FMN1: variants seen among roughly 807,000 people sequenced by gnomAD.
FMN1 encodes the protein formin 1.
Under a neutral mutation model 132.4 loss-of-function variants are expected in FMN1, and 110 were observed. The ratio of observed to expected loss-of-function variants is 0.83; its 90% confidence interval spans 0.71 to 0.97. The LOEUF (loss-of-function observed/expected upper bound fraction) is 0.97. Among genes scored for constraint, FMN1 ranks in the 50% least tolerant of loss-of-function variants. The pLI is 0.00. For synonymous variants in FMN1, 722 were observed against 651.7 expected, an observed-to-expected ratio of 1.11 and a Z score of -1.64; for missense variants, 1,792 against 1,705.3, an observed-to-expected ratio of 1.05 and a Z score of -0.90.
intron 9 of FMN1, among the ~76,000 whole-genome samples, chr15:32,938,480 G>C (rs1201187241): frequency 2.0e-5 from 3 of 152,166 alleles, no homozygotes; most frequent in Non-Finnish European, 2.9e-5. Context: ...AGTGAGCCAA[G>C]ATCAAGCCAC....
rs556968137 is a variant in FMN1, at chr15:33,153,664, C to A, written c.1251G>T (p.Val417=). ...CTATCACCTTCAGGGGGACCTTGTT[C>A]ACGGCCCCCTCGGCACTGGCCGACA... is the stretch of plus-strand genomic sequence containing the variant. ...SSVSASAEGA[V]NKVPLKVIES... The change falls in exon 4 of 21, where the codon GTG becomes GTT. Residue 417 remains valine, a synonymous_variant. Coordinates refer to ENST00000616417, the MANE Select transcript of FMN1 (RefSeq NM_001277313.2). 6.4e-5 allele frequency: 99 copies of A among 1,536,336 alleles called. 2 individuals carry two copies. In the South Asian group the frequency reaches 6.5e-4, roughly 10 times the overall value.
chr15:32,891,525 T>A lies in FMN1; in HGVS notation c.3715-3233A>T, dbSNP rs540587193. 2.4e-3 allele frequency among the ~76,000 whole-genome samples: 362 copies of A among 152,370 alleles called. 1 individual carries two copies. The highest frequency in any genetic ancestry group is 0.014 in the South Asian group (69 of 4,828). On this transcript the variant is annotated intron_variant, in intron 15 of 20. Coordinates refer to ENST00000616417, the MANE Select transcript of FMN1 (RefSeq NM_001277313.2). ...CTGGGATTACAGGCGTGAGCCACCG[T>A]GTCCAGCCTAGAGTTGTTTTTTTCT...
intron 7 of FMN1, among the ~76,000 whole-genome samples, chr15:32,998,197 C>A (rs2033891565): frequency 6.6e-6 from 1 of 152,192 alleles, no homozygotes; most frequent in Non-Finnish European, 1.5e-5. Context: ...GATGGTATCA[C>A]AAATTTAAGA....
At chr15:32,878,676 A>G (rs573943335) in intron 16 of FMN1, among the ~76,000 whole-genome samples, 2 of 152,160 alleles carry the variant, frequency 1.3e-5, no homozygotes, top group Non-Finnish European at 2.9e-5. Flanking sequence ...GTAGCCTTAC[A>G]CTCATTTTTA....
At chr15:32,853,333 T>C (rs2059051617) in intron 17 of FMN1, among the ~76,000 whole-genome samples, 1 of 152,182 alleles carries the variant, frequency 6.6e-6, no homozygotes, top group South Asian at 2.1e-4. Context: ...ATTGATAGAA[T>C]TTTCACGTTT....
intron 7 of FMN1, among the ~76,000 whole-genome samples, chr15:32,976,414 T>G (rs1422033312): frequency 6.6e-6 from 1 of 152,200 alleles, no homozygotes; most frequent in African/African-American, 2.4e-5. Flanking sequence ...TACGAGTTTC[T>G]TCTGTTTTCT....
intron 10 of FMN1, among the ~76,000 whole-genome samples, chr15:32,923,931 T>G (rs2060893401): frequency 6.7e-6 from 1 of 149,328 alleles, no homozygotes; most frequent in Admixed American, 6.7e-5. Flanking sequence ...CACACTTGAG[T>G]TTCACCAGGC....
At chr15:32,993,912 T>TC (rs1555375361) in intron 7 of FMN1, among the ~76,000 whole-genome samples, 8 of 86,974 alleles carry the variant, frequency 9.2e-5, no homozygotes, top group African/African-American at 2.2e-4. Flanking sequence ...GGGGGCGGGG[T>TC]GGGGGGGGTC....
chr15:33,082,053 G>GTGTGTGTGTGTGTGTGTGTGTT lies in FMN1; in HGVS notation c.2043+6745_2043+6746insAACACACACACACACACACACA, dbSNP rs540217494. Among the ~76,000 whole-genome samples, 209 of 134,550 alleles carry GTGTGTGTGTGTGTGTGTGTGTT rather than the reference G, an allele frequency of 1.6e-3. 1 individual carries two copies. The highest frequency in any genetic ancestry group is 5.1e-3 in the African/African-American group (189 of 36,814). 88.3% of individuals were successfully genotyped at this position (134,550 alleles called of 152,430 possible). A position where few individuals can be genotyped will look rare whatever the true frequency, so the allele number is the denominator to read the frequency against. The stretch of plus-strand genomic sequence containing the variant: ...TGTGTGTGTGTGTGTGTGTGTGTGT[G>GTGTGTGTGTGTGTGTGTGTGTT]TAAGACGGAGTCTCGCTTTGTCACC... On this transcript the variant is annotated intron_variant, in intron 5 of 20. Coordinates refer to ENST00000616417, the MANE Select transcript of FMN1 (RefSeq NM_001277313.2).
At chr15:32,811,820 A>T (rs2057891149) in intron 17 of FMN1, among the ~76,000 whole-genome samples, 1 of 151,992 alleles carries the variant, frequency 6.6e-6, no homozygotes, top group Admixed American at 6.6e-5. Context: ...ACATGCCACC[A>T]TGCCTGGCTA....
chr15:33,048,057 T>TTA (rs1304956928), intron 6 of FMN1, among the ~76,000 whole-genome samples: 5 of 152,224 alleles, frequency 3.3e-5, no homozygotes, highest in Non-Finnish European at 7.3e-5. Flanking sequence ...GTAATGCCTT[T>TTA]TAGTTCCTGT....
At chr15:33,124,933 C>T (rs959809095) in intron 4 of FMN1, among the ~76,000 whole-genome samples, 8 of 152,036 alleles carry the variant, frequency 5.3e-5, no homozygotes, top group Admixed American at 3.9e-4. Flanking sequence ...ATGTGCCACT[C>T]CCCTCCACTG....
chr15:33,145,620 C>T (rs940264692), intron 4 of FMN1, among the ~76,000 whole-genome samples: 1 of 151,414 alleles, frequency 6.6e-6, no homozygotes. Flanking sequence ...CCGCTACCCT[C>T]GGATGTGGCT....
chr15:33,182,938 T>TA, intron 2 of FMN1, among the ~76,000 whole-genome samples: 1 of 152,336 alleles, frequency 6.6e-6, no homozygotes, highest in Non-Finnish European at 1.5e-5. Flanking sequence ...AACCACTTTT[T>TA]ACAGACAGGA....
intron 7 of FMN1, 72 bp downstream of exon 7, chr15:33,007,942 A>G: frequency 7.6e-7 from 1 of 1,309,194 alleles, no homozygotes; most frequent in Non-Finnish European, 1.1e-6. Context: ...TAAGAGGAAT[A>G]TTTACTTCAG....
intron 17 of FMN1, among the ~76,000 whole-genome samples, chr15:32,820,692 T>C (rs746956525): frequency 2.5e-4 from 38 of 152,306 alleles, no homozygotes; most frequent in Middle Eastern, 6.8e-3. Context: ...TTTGAGACTG[T>C]CAGTCCTCCA....
rs1445170300 is a variant in FMN1, at chr15:32,857,065, T to C, written c.3878A>G (p.Lys1293Arg). 1 of 1,613,952 alleles carries C rather than the reference T, an allele frequency of 6.2e-7. No homozygotes were observed. Among genetic ancestry groups the C allele is most frequent in the Admixed American group, 1.7e-5 (1 of 60,032 alleles). The change falls in exon 17 of 21, where the codon AAG becomes AGG. Residue 1293 changes from lysine (K) to arginine (R), a missense_variant. Transcript: ENST00000616417. ...QMVVVCKESP[K>R]EYLQPFKDKL... ...GTCCTTGAAAGGCTGGAGATACTCC[T>C]TTGGGGACTCCTTGCACACCACCAC...
intron 3 of FMN1, among the ~76,000 whole-genome samples, chr15:33,173,220 A>G (rs1162495081): frequency 1.3e-5 from 2 of 152,176 alleles, no homozygotes; most frequent in African/African-American, 4.8e-5. Flanking sequence ...AAGTACAAGG[A>G]GGAGGACATA....
At chr15:32,928,428 C>T (rs900415977) in intron 9 of FMN1, among the ~76,000 whole-genome samples, 1 of 152,050 alleles carries the variant, frequency 6.6e-6, no homozygotes, top group Non-Finnish European at 1.5e-5. Context: ...ATTTCTTCAT[C>T]TAATAAAAAA....
Sources: gnomAD v4.1 joint callset for allele counts (sites outside exome capture counted in the v4.1 genomes callset) on GRCh38, gnomAD v4.1.1 for gene constraint, MANE v1.5 for transcripts, NCBI Gene and HGNC (gene_info 2026-07-23, HGNC 2026-07-21) for gene names.